The following DCK variants were observed in gnomAD, a reference collection of about 807,000 sequenced individuals.
DCK encodes the protein deoxyadenosine kinase.
A neutral mutation model predicts 38.3 loss-of-function variants in DCK; 23 were observed. That is an observed-to-expected ratio of 0.60 (90% CI 0.43 to 0.85). DCK has a LOEUF of 0.85. Among genes scored for constraint, DCK ranks in the 40% least tolerant of loss-of-function variants. The pLI is 0.00. For missense variants in DCK, 259 were observed against 304.4 expected, an observed-to-expected ratio of 0.85 and a Z score of 1.11; for synonymous variants, 108 against 100.6, an observed-to-expected ratio of 1.07 and a Z score of -0.44.
At chr4:71,015,129 A>T (rs989406067) in intron 2 of DCK, among the ~76,000 whole-genome samples, 3 of 152,048 alleles carry the variant, frequency 2.0e-5, no homozygotes, top group African/African-American at 7.2e-5. Context: ...ACCATCACAG[A>T]ATACTATAAA....
At chr4:71,005,155 G>A (rs981122983) in intron 2 of DCK, among the ~76,000 whole-genome samples, 4 of 152,128 alleles carry the variant, frequency 2.6e-5, no homozygotes, top group Non-Finnish European at 2.9e-5. Flanking sequence ...GAAGACTGTG[G>A]GAAAAAGCCT....
intron 1 of DCK, among the ~76,000 whole-genome samples, chr4:70,997,046 G>A (rs943808074): frequency 1.3e-5 from 2 of 152,134 alleles, no homozygotes; most frequent in African/African-American, 4.8e-5. Context: ...TTATTACTCT[G>A]CTTGAACTAA....
At chr4:71,008,618 GACAGA>G (rs1353609356) in intron 2 of DCK, among the ~76,000 whole-genome samples, 1 of 152,160 alleles carries the variant, frequency 6.6e-6, no homozygotes, top group Non-Finnish European at 1.5e-5. Context: ...TCAGGTAGTA[GACAGA>G]AACTAACCAG....
chr4:71,011,912 A>T (rs140929313), intron 2 of DCK, among the ~76,000 whole-genome samples: 1,551 of 152,338 alleles, frequency 0.01, 10 homozygotes, highest in Non-Finnish European at 0.018. Context: ...TCATAATCCT[A>T]CCACTCTGTA....
rs149800057 is a variant in DCK at position 71,027,304 on chromosome 4, A to G, written c.756+549A>G. ...ATTTTAGTTTTGAGTTTCATTTGGG[A>G]TCATGTCAAGGATTAATTGACATTA... is the stretch of plus-strand genomic sequence containing the variant. On this transcript the variant is annotated intron_variant, in intron 6 of 6. Coordinates refer to ENST00000286648, the MANE Select transcript of DCK (RefSeq NM_000788.3). Among the ~76,000 whole-genome samples, 744 of 152,254 alleles carry G rather than the reference A, an allele frequency of 4.9e-3. 11 individuals are homozygous for G. The highest frequency in any genetic ancestry group is 0.017 in the African/African-American group (718 of 41,572).
chr4:71,021,987 GC>G (rs1740436627), intron 2 of DCK, among the ~76,000 whole-genome samples: 1 of 152,108 alleles, frequency 6.6e-6, no homozygotes, highest in Non-Finnish European at 1.5e-5. Flanking sequence ...GGGCAACAGA[GC>G]AAGACTCCAT....
chr4:71,008,309 A>G (rs1009707746), intron 2 of DCK, among the ~76,000 whole-genome samples: 1 of 151,894 alleles, frequency 6.6e-6, no homozygotes, highest in Non-Finnish European at 1.5e-5. Flanking sequence ...TGGCTTTCTC[A>G]TTTTTGTCAT....
chr4:71,024,539 C>T (rs1055424924), intron 4 of DCK, among the ~76,000 whole-genome samples: 1 of 151,978 alleles, frequency 6.6e-6, no homozygotes, highest in African/African-American at 2.4e-5. Context: ...TGACTTCTGG[C>T]CTAAAATTAG....
At chr4:71,010,028 G>T (rs1740044339) in intron 2 of DCK, among the ~76,000 whole-genome samples, 1 of 152,064 alleles carries the variant, frequency 6.6e-6, no homozygotes, top group Non-Finnish European at 1.5e-5. Context: ...CCTTGGCAAG[G>T]TCAGTCCTAC....
intron 3 of DCK, 53 bp downstream of exon 3, chr4:71,022,613 G>GA: frequency 3.8e-6 from 4 of 1,065,576 alleles, no homozygotes; most frequent in Non-Finnish European, 5.0e-6. Context: ...CTTAGAACTG[G>GA]ACTTTTTTTT....
intron 1 of DCK, among the ~76,000 whole-genome samples, chr4:70,994,411 C>T (rs893515629): frequency 2.6e-5 from 4 of 152,232 alleles, no homozygotes; most frequent in Non-Finnish European, 5.9e-5. Flanking sequence ...TTCCCTGGCA[C>T]CCACTGATTT....
At chr4:70,996,752 C>G (rs943673369) in intron 1 of DCK, among the ~76,000 whole-genome samples, 1 of 152,044 alleles carries the variant, frequency 6.6e-6, no homozygotes. Context: ...TTCTTATGTT[C>G]TGTGTTACTC....
intron 2 of DCK, among the ~76,000 whole-genome samples, chr4:71,002,966 A>C (rs1266386316): frequency 6.6e-6 from 1 of 152,122 alleles, no homozygotes; most frequent in African/African-American, 2.4e-5. Context: ...ATTTAAGGTT[A>C]ATATTGTTAT....
At chr4:70,997,618 T>A (rs1284340831) in intron 1 of DCK, among the ~76,000 whole-genome samples, 2 of 152,218 alleles carry the variant, frequency 1.3e-5, no homozygotes, top group African/African-American at 2.4e-5. Flanking sequence ...CTACTCCCCA[T>A]GGATCTAATT....
At chr4:71,027,674 G>GT (rs1740576384) in intron 6 of DCK, among the ~76,000 whole-genome samples, 1 of 152,122 alleles carries the variant, frequency 6.6e-6, no homozygotes, top group African/African-American at 2.4e-5. Flanking sequence ...GACATTTTAT[G>GT]TAACTACTGT....
At chr4:71,022,615 CTT>C (rs373938314) in intron 3 of DCK, 55 bp downstream of exon 3, 1,870 of 721,770 alleles carry the variant, frequency 2.6e-3, no homozygotes, top group South Asian at 3.1e-3. Flanking sequence ...TAGAACTGGA[CTT>C]TTTTTTTTTT....
chr4:70,993,853 G>A lies in DCK; in HGVS notation c.18G>A (p.Lys6=), dbSNP rs769340545. 20 of 1,613,776 alleles carry A rather than the reference G, an allele frequency of 1.2e-5. No individual in the cohort carries two copies. Among genetic ancestry groups the A allele is most frequent in the Non-Finnish European group, 1.4e-5 (17 of 1,179,862 alleles). The part of the protein sequence containing the change: MATPP[K]RSCPSFSASS... ...ACTAAGGAATGGCCACCCCGCCCAA[G>A]AGAAGCTGCCCGTCTTTCTCAGCCA... Residue 6 remains lysine, a synonymous_variant, in exon 1 of 7, where the codon AAG becomes AAA. Coordinates refer to ENST00000286648, the MANE Select transcript of DCK (RefSeq NM_000788.3).
rs947168525 is a variant in DCK at position 70,993,664 on chromosome 4, C to T, written c.-172C>T. On this transcript the variant is annotated 5_prime_UTR_variant, in exon 1 of 7. Coordinates refer to ENST00000286648, the MANE Select transcript of DCK (RefSeq NM_000788.3). ...CAGGCCCGCCAGTGTCCTCAGCTGC[C>T]TCCGCGCGCCAAAGTCAAACCCCGA... is the stretch of plus-strand genomic sequence containing the variant. 2.1e-5 allele frequency: 12 copies of T among 558,782 alleles called. No individual in the cohort carries two copies. Among genetic ancestry groups the T allele is most frequent in the Admixed American group, 3.4e-5 (1 of 29,676 alleles). The allele number at this position is 558,782 out of a possible 1,614,324, so 34.6% of individuals were successfully genotyped here. A position where few individuals can be genotyped will look rare whatever the true frequency, so the allele number is the denominator to read the frequency against.
chr4:71,011,592 A>G (rs532820609), intron 2 of DCK, among the ~76,000 whole-genome samples: 1 of 152,278 alleles, frequency 6.6e-6, no homozygotes, highest in South Asian at 2.1e-4. Context: ...TCCTGGGATC[A>G]AGCAATCCGC....
Sources: gnomAD v4.1 joint callset for allele counts (sites outside exome capture counted in the v4.1 genomes callset) on GRCh38, gnomAD v4.1.1 for gene constraint, MANE v1.5 for transcripts, NCBI Gene and HGNC (gene_info 2026-07-23, HGNC 2026-07-21) for gene names.